FGF13: variants seen among roughly 807,000 people sequenced by gnomAD.
FGF13 encodes the protein fibroblast growth factor 13.
FGF13 carries 2 observed loss-of-function variants against 19.5 expected under a neutral mutation model. The observed-to-expected ratio is 0.10, with a 90% CI of 0.04 to 0.32. FGF13 has a LOEUF of 0.32. Ranked by LOEUF, FGF13 falls within the 10% of genes least tolerant of loss-of-function variation. The pLI, the probability that FGF13 is intolerant of heterozygous loss-of-function variation, is 1.00. For missense variants in FGF13, 113 were observed against 192.7 expected (o/e 0.59, Z 2.45); for synonymous variants, 72 against 76.9 (o/e 0.94, Z 0.33).
Position 138,701,260 on chromosome X carries a change from C to T in FGF13, c.402+1724G>A, listed in dbSNP as rs1217688701. On this transcript the variant is annotated intron_variant, in intron 3 of 4. Coordinates refer to ENST00000315930, the MANE Select transcript of FGF13 (RefSeq NM_004114.5). ...TCTCAAAAGTATGCCCAGTATATTC[C>T]GTTTCCTTATCATGCCTTCACAATA... Among the ~76,000 whole-genome samples, 3 of 111,853 alleles carry T rather than the reference C, an allele frequency of 2.7e-5. No individual in the cohort carries two copies. In the East Asian group the frequency reaches 8.4e-4, roughly 31 times the overall value.
At chrX:139,163,702 C>T (rs1019228734) in intron 1 of FGF13, among the ~76,000 whole-genome samples, 1 of 111,058 alleles carries the variant, frequency 9.0e-6, no homozygotes, top group African/African-American at 3.3e-5. Flanking sequence ...ACTACTACTA[C>T]TACTATTATT....
intron 1 of FGF13, among the ~76,000 whole-genome samples, chrX:138,724,341 C>A (rs973125383): frequency 9.0e-5 from 10 of 111,469 alleles, no homozygotes; most frequent in Admixed American, 5.7e-4. Flanking sequence ...GGAAGGGATT[C>A]TTGCATTTAG....
intron 1 of FGF13, among the ~76,000 whole-genome samples, chrX:139,166,757 C>T (rs1276562394): frequency 1.8e-5 from 2 of 111,678 alleles, no homozygotes; most frequent in African/African-American, 3.3e-5. Context: ...AAATAAACTT[C>T]TTTCCTTTAT....
Position 138,628,320 on chromosome X carries a change from C to T in FGF13, c.*4530G>A, listed in dbSNP as rs1184568909. ...AGTGGCCTGACCTAGCTATACTTTGCTAATTGTTTTATAATTGGAAATGGT... is the reference window on the plus strand; with the variant it reads ...AGTGGCCTGACCTAGCTATACTTTGTTAATTGTTTTATAATTGGAAATGGT... On this transcript the variant is annotated 3_prime_UTR_variant, in exon 5 of 5. Transcript: ENST00000315930. The T allele has an allele frequency of 2.7e-5, 3 of 112,057 alleles. No homozygotes were observed. The highest frequency in any genetic ancestry group is 5.6e-5 in the Non-Finnish European group (3 of 53,217). The allele number at this position is 112,057 out of a possible 1,213,427, so 9.2% of individuals were successfully genotyped here.
chrX:139,144,790 G>C (rs1331332199), intron 1 of FGF13, among the ~76,000 whole-genome samples: 1 of 110,167 alleles, frequency 9.1e-6, no homozygotes, highest in Non-Finnish European at 1.9e-5. Context: ...GATTTCTTGG[G>C]GGAAAAAAAC....
chrX:138,659,458 T>A (rs1402996470), intron 3 of FGF13, among the ~76,000 whole-genome samples: 1 of 112,268 alleles, frequency 8.9e-6, no homozygotes, highest in Non-Finnish European at 1.9e-5. Flanking sequence ...ACACTGTTGG[T>A]GGGTGTGTAA....
At chrX:138,761,371 G>A (rs945124342) in intron 3 of FGF13, among the ~76,000 whole-genome samples, 1 of 111,286 alleles carries the variant, frequency 9.0e-6, no homozygotes, top group African/African-American at 3.3e-5. Context: ...CTTGAACTGA[G>A]TAGTACTGCT....
At chrX:138,665,081 T>C (rs1474236722) in intron 3 of FGF13, among the ~76,000 whole-genome samples, 1 of 110,689 alleles carries the variant, frequency 9.0e-6, no homozygotes, top group Non-Finnish European at 1.9e-5. Flanking sequence ...AGTCCCTTCA[T>C]AGTCTTCTAC....
upstream of FGF13, among the ~76,000 whole-genome samples, chrX:138,744,240 G>A (rs1410063488): frequency 9.0e-6 from 1 of 111,267 alleles, no homozygotes; most frequent in African/African-American, 3.3e-5. Flanking sequence ...ATGAACACAA[G>A]AGTCAGCTTC....
chrX:138,992,726 G>A (rs1284041090), intron 1 of FGF13, among the ~76,000 whole-genome samples: 1 of 111,834 alleles, frequency 8.9e-6, no homozygotes, highest in Admixed American at 9.5e-5. Context: ...TTGCTATTGG[G>A]CAAACACCAC....
intron 1 of FGF13, among the ~76,000 whole-genome samples, chrX:139,176,631 G>T (rs1228796073): frequency 9.1e-6 from 1 of 110,400 alleles, no homozygotes; most frequent in Non-Finnish European, 1.9e-5. Context: ...TGTTCTCGTT[G>T]GTTTCAAAGA....
At chrX:138,910,666 A>T (rs1031553382) in intron 1 of FGF13, among the ~76,000 whole-genome samples, 5 of 112,426 alleles carry the variant, frequency 4.4e-5, no homozygotes, top group African/African-American at 1.6e-4. Flanking sequence ...GCTCTATGGA[A>T]ACCCAGGTGA....
chrX:138,939,367 T>C (rs182900328), intron 1 of FGF13, among the ~76,000 whole-genome samples: 22 of 112,387 alleles, frequency 2.0e-4, no homozygotes, highest in African/African-American at 7.1e-4. Context: ...ATTCCATGAA[T>C]TGCAAATCCT....
At chrX:138,965,066 T>C (rs774128088) in intron 1 of FGF13, among the ~76,000 whole-genome samples, 3 of 111,779 alleles carry the variant, frequency 2.7e-5, no homozygotes, top group South Asian at 3.9e-4. Context: ...ACCCTTAACC[T>C]GATGAATTCC....
chrX:138,672,169 A>C (rs576508286), intron 3 of FGF13, among the ~76,000 whole-genome samples: 5 of 111,105 alleles, frequency 4.5e-5, no homozygotes, highest in African/African-American at 1.6e-4. Context: ...GAGGGCATTA[A>C]ATTCCATACT....
At chrX:138,923,421 AAATAT>A (rs1204145751) in intron 1 of FGF13, among the ~76,000 whole-genome samples, 1 of 112,327 alleles carries the variant, frequency 8.9e-6, no homozygotes, top group Non-Finnish European at 1.9e-5. Context: ...TATATGATCA[AAATAT>A]AAGGATGATT....
intron 3 of FGF13, among the ~76,000 whole-genome samples, chrX:138,702,198 T>TAAA (rs2089953375): frequency 9.1e-6 from 1 of 110,259 alleles, no homozygotes; most frequent in African/African-American, 3.3e-5. Context: ...AATAAATAAA[T>TAAA]TAATTAATTA....
At chrX:139,065,852 A>T (rs1010393501) in intron 1 of FGF13, among the ~76,000 whole-genome samples, 2 of 111,631 alleles carry the variant, frequency 1.8e-5, no homozygotes, top group African/African-American at 6.5e-5. Context: ...TCTGCACCCT[A>T]ACTCAACAGA....
chrX:138,965,199 C>G (rs776042597), intron 1 of FGF13, among the ~76,000 whole-genome samples: 1 of 112,517 alleles, frequency 8.9e-6, no homozygotes, highest in African/African-American at 3.2e-5. Context: ...ACTTCCTTTA[C>G]CCCTTCAGTT....
Sources: allele counts gnomAD v4.1 joint callset (sites outside exome capture counted in the v4.1 genomes callset), GRCh38; gene constraint gnomAD v4.1.1; transcripts MANE v1.5; gene names NCBI Gene and HGNC (gene_info 2026-07-23, HGNC 2026-07-21).